Variants in CCSER1 observed in about 807,000 individuals in gnomAD.
CCSER1 encodes the protein coiled-coil serine rich protein 1, also known as serine-rich coiled-coil domain-containing protein 1.
A neutral mutation model predicts 82.0 loss-of-function variants in CCSER1; 41 were observed. The observed-to-expected ratio is 0.50, with a 90% CI of 0.39 to 0.65. CCSER1 has a LOEUF of 0.65. Ranked by LOEUF, CCSER1 falls within the 30% of genes least tolerant of loss-of-function variation. CCSER1 has a pLI of 0.00. For missense variants in CCSER1, 1,119 were observed against 1,064.2 expected (o/e 1.05, Z -0.72); for synonymous variants, 414 against 383.9 (o/e 1.08, Z -0.92).
chr4:90,816,213 A>G (rs1191775754), intron 8 of CCSER1, among the ~76,000 whole-genome samples: 1 of 152,196 alleles, frequency 6.6e-6, no homozygotes, highest in Non-Finnish European at 1.5e-5. Context: ...TATAAAGCAA[A>G]ATACTTGATC....
intron 1 of CCSER1, among the ~76,000 whole-genome samples, chr4:90,279,207 T>C (rs1020075303): frequency 1.3e-5 from 2 of 152,064 alleles, no homozygotes; most frequent in African/African-American, 4.8e-5. Flanking sequence ...TTCTGGAATG[T>C]ATAAAACTTA....
chr4:91,103,981 C>T (rs867496714), intron 10 of CCSER1, among the ~76,000 whole-genome samples: 21 of 152,160 alleles, frequency 1.4e-4, no homozygotes, highest in Admixed American at 7.2e-4. Context: ...GAAAGGAATG[C>T]ATTCCTGGGG....
intron 10 of CCSER1, among the ~76,000 whole-genome samples, chr4:91,320,598 A>G (rs1212488806): frequency 6.6e-6 from 1 of 151,994 alleles, no homozygotes; most frequent in Non-Finnish European, 1.5e-5. Context: ...CCTTTCAAAC[A>G]GTTTGTTGAG....
chr4:90,697,007 G>A (rs1737102542), intron 6 of CCSER1, among the ~76,000 whole-genome samples: 2 of 151,694 alleles, frequency 1.3e-5, no homozygotes, highest in Admixed American at 1.3e-4. Flanking sequence ...ATGAGAGGAA[G>A]GATGAGAACA....
chr4:91,192,804 T>C (rs760742847), intron 10 of CCSER1, among the ~76,000 whole-genome samples: 1 of 152,190 alleles, frequency 6.6e-6, no homozygotes, highest in Non-Finnish European at 1.5e-5. Flanking sequence ...ATTTTTTAAT[T>C]TCTAACCTTA....
At chr4:90,717,835 T>G (rs1157778607) in intron 6 of CCSER1, among the ~76,000 whole-genome samples, 1 of 151,296 alleles carries the variant, frequency 6.6e-6, no homozygotes, top group Non-Finnish European at 1.5e-5. Context: ...TGTGTCACAA[T>G]TAGGTATTCT....
chr4:90,344,946 A>G (rs774666678), intron 3 of CCSER1, among the ~76,000 whole-genome samples: 10 of 152,116 alleles, frequency 6.6e-5, no homozygotes, highest in Non-Finnish European at 1.2e-4. Flanking sequence ...TATAAATTCA[A>G]TTTCCTCGTA....
intron 3 of CCSER1, among the ~76,000 whole-genome samples, chr4:90,376,362 G>A (rs1271249339): frequency 6.6e-6 from 1 of 152,194 alleles, no homozygotes; most frequent in East Asian, 1.9e-4. Context: ...AAGGCATTCA[G>A]TCTCAGCCTC....
At chr4:90,947,022 G>A (rs931189116) in intron 9 of CCSER1, among the ~76,000 whole-genome samples, 1 of 152,150 alleles carries the variant, frequency 6.6e-6, no homozygotes, top group South Asian at 2.1e-4. Context: ...CAGTCTCAGC[G>A]GGAAAGAGAA....
At chr4:90,444,238 C>T (rs188811298) in intron 4 of CCSER1, among the ~76,000 whole-genome samples, 15 of 152,096 alleles carry the variant, frequency 9.9e-5, no homozygotes, top group East Asian at 7.7e-4. Context: ...ATCCATAACA[C>T]GATATAGTAC....
At chr4:90,228,633 C>T (rs550210393) in intron 1 of CCSER1, among the ~76,000 whole-genome samples, 3 of 152,262 alleles carry the variant, frequency 2.0e-5, no homozygotes, top group East Asian at 1.9e-4. Flanking sequence ...ATGACTTTGA[C>T]GAGCTGAGAG....
intron 7 of CCSER1, among the ~76,000 whole-genome samples, chr4:90,754,406 ATATT>A (rs1162364280): frequency 1.3e-5 from 2 of 152,176 alleles, no homozygotes; most frequent in Non-Finnish European, 2.9e-5. Flanking sequence ...TATTAGGAGT[ATATT>A]AATAAAAATG....
chr4:91,157,193 T>C (rs60948022), intron 10 of CCSER1, among the ~76,000 whole-genome samples: 6,040 of 152,062 alleles, frequency 0.04, 375 homozygotes, highest in African/African-American at 0.14. Flanking sequence ...TTTGTGTTGA[T>C]GTCTTTCAGC....
intron 5 of CCSER1, among the ~76,000 whole-genome samples, chr4:90,505,395 A>C (rs917712020): frequency 6.6e-6 from 1 of 152,056 alleles, no homozygotes; most frequent in Non-Finnish European, 1.5e-5. Context: ...GGGCAGGGAA[A>C]AGACAGTAAG....
At chr4:90,462,645 C>T (rs967167095) in intron 4 of CCSER1, among the ~76,000 whole-genome samples, 4 of 152,064 alleles carry the variant, frequency 2.6e-5, no homozygotes, top group Non-Finnish European at 5.9e-5. Flanking sequence ...CTGAGGCAGG[C>T]GGATCGCTTG....
At chr4:90,273,031 A>C (rs1039072915) in intron 1 of CCSER1, among the ~76,000 whole-genome samples, 18 of 151,376 alleles carry the variant, frequency 1.2e-4, no homozygotes, top group Non-Finnish European at 2.2e-4. Context: ...ACAAAAAAAA[A>C]CAGAACTATG....
At chr4:91,381,187 C>G (rs1750862245) in intron 10 of CCSER1, among the ~76,000 whole-genome samples, 2 of 152,092 alleles carry the variant, frequency 1.3e-5, no homozygotes, top group African/African-American at 4.8e-5. Flanking sequence ...ACATTTTTTC[C>G]TTCATTTCAA....
At chr4:91,478,197 A>G (rs1369925488) in intron 10 of CCSER1, among the ~76,000 whole-genome samples, 1 of 151,902 alleles carries the variant, frequency 6.6e-6, no homozygotes, top group African/African-American at 2.4e-5. Flanking sequence ...GGACTAACTG[A>G]TTTCAATTAT....
At chr4:90,878,537 A>G (rs1720715591) in intron 8 of CCSER1, among the ~76,000 whole-genome samples, 1 of 152,156 alleles carries the variant, frequency 6.6e-6, no homozygotes, top group Non-Finnish European at 1.5e-5. Flanking sequence ...CTGGGAAGAT[A>G]GGCTTGTCTA....
Sources: allele counts gnomAD v4.1 joint callset (sites outside exome capture counted in the v4.1 genomes callset), GRCh38; gene constraint gnomAD v4.1.1; transcripts MANE v1.5; gene names NCBI Gene and HGNC (gene_info 2026-07-23, HGNC 2026-07-21).